WDR76: variants seen among roughly 807,000 people sequenced by gnomAD.
The protein encoded by WDR76 is WD repeat domain 76.
A neutral mutation model predicts 70.2 loss-of-function variants in WDR76; 52 were observed. The observed-to-expected ratio is 0.74, with a 90% CI of 0.59 to 0.93. The LOEUF (loss-of-function observed/expected upper bound fraction) is 0.93, where lower values mean the gene tolerates loss of function less well. Among genes scored for constraint, WDR76 ranks in the 40% least tolerant of loss-of-function variants. WDR76 has a pLI of 0.00. For missense variants in WDR76, 756 were observed against 760.2 expected, an observed-to-expected ratio of 0.99 and a Z score of 0.07; for synonymous variants, 292 against 271.1, an observed-to-expected ratio of 1.08 and a Z score of -0.76.
At chr15:43,839,876 G>T in intron 5 of WDR76, 148 bp downstream of exon 5, 1 of 1,074,552 alleles carries the variant, frequency 9.3e-7, no homozygotes, top group Non-Finnish European at 1.3e-6. Context: ...TTGTTTTTTT[G>T]AGATGGAGTC....
rs563825129 is a variant in WDR76, at chr15:43,861,015, G to T, written c.1563-318G>T. On this transcript the variant is annotated intron_variant, in intron 11 of 12. Transcript: ENST00000263795. Reference sequence around the variant, plus strand: ...AGCTTAGTGTAATCTCAAACTCCTGGGCTCAAGTGATCTTCTCACCTCAGC... The same window carrying T: ...AGCTTAGTGTAATCTCAAACTCCTGTGCTCAAGTGATCTTCTCACCTCAGC... Among the ~76,000 whole-genome samples, 4 of 145,752 alleles carry T rather than the reference G, an allele frequency of 2.7e-5. No homozygotes were observed. In the East Asian group the frequency reaches 8.2e-4, roughly 30 times the overall value.
chr15:43,865,283 T>C (rs891546260), intron 12 of WDR76, among the ~76,000 whole-genome samples: 1 of 147,318 alleles, frequency 6.8e-6, no homozygotes, highest in Admixed American at 6.8e-5. Context: ...TTTATTTTTA[T>C]TTTTTTTGAG....
chr15:43,835,007 G>C (rs1449735558), intron 2 of WDR76, 54 bp from the exon 3 acceptor site: 3 of 1,465,018 alleles, frequency 2.0e-6, no homozygotes, highest in Non-Finnish European at 1.9e-6. Context: ...TTTGTGAAGT[G>C]CTTTTCCTGT....
chr15:43,843,964 C>T lies in WDR76; in HGVS notation c.942C>T (p.Gly314=), dbSNP rs2140303378. The T allele has an allele frequency of 1.2e-6, 2 of 1,613,092 alleles. No homozygotes were observed. Among genetic ancestry groups the T allele is most frequent in the Middle Eastern group, 1.7e-4 (1 of 6,060 alleles). The change falls in exon 8 of 13, where the codon GGC becomes GGT. Residue 314 remains glycine, a synonymous_variant. Transcript: ENST00000263795. ...ATACCGTTTACAAAGTTACCACAGGCCCAATATTCTCTATGGCTCTCCATC... is the reference window on the plus strand; with the variant it reads ...ATACCGTTTACAAAGTTACCACAGGTCCAATATTCTCTATGGCTCTCCATC... The part of the protein sequence containing the change: ...SEDTVYKVTT[G]PIFSMALHPS...
chr15:43,844,926 TAA>T (rs1163275078), intron 8 of WDR76, among the ~76,000 whole-genome samples: 1 of 15,534 alleles, frequency 6.4e-5, no homozygotes, highest in African/African-American at 2.6e-4. Flanking sequence ...AGACTCTGTG[TAA>T]AAAAAAAAAA....
At position 43,835,109 on chromosome 15, in the gene WDR76, T is replaced by C. The variant is rs775537615; in HGVS notation, c.511T>C (p.Ser171Pro). The change falls in exon 3 of 13, where the codon TCA becomes CCA. Residue 171 changes from serine (S) to proline (P), a missense_variant. Physicochemically the swap from Ser to Pro is moderately conservative, Grantham distance 74. Transcript: ENST00000263795. ...PYERKRLKNI[S>P]ENADFFASLQ... ...CGAAAGGAAGAGACTGAAGAACATA[T>C]CAGAAAACGCAGACTTTTTTGCTTC... The C allele has an allele frequency of 6.2e-7, 1 of 1,614,124 alleles. No individual in the cohort carries two copies. The highest frequency in any genetic ancestry group is 2.2e-5 in the East Asian group (1 of 44,882).
rs537253612 is a variant in WDR76 at position 43,838,124 on chromosome 15, C to T, written c.609-1481C>T. ...TCCTGACCTCGTGATCCGCCTGCCT[C>T]GGCCTCCCAAAGTGCTGGGATTACA... On this transcript the variant is annotated intron_variant, in intron 4 of 12. Coordinates refer to ENST00000263795, the MANE Select transcript of WDR76 (RefSeq NM_024908.4). 1.1e-4 allele frequency among the ~76,000 whole-genome samples: 16 copies of T among 152,236 alleles called. No individual in the cohort carries two copies. The East Asian group carries it at 1.4e-3, about 13-fold the overall frequency.
intron 5 of WDR76, among the ~76,000 whole-genome samples, chr15:43,840,659 A>AT (rs1365448835): frequency 1.3e-5 from 2 of 152,102 alleles, no homozygotes; most frequent in Non-Finnish European, 1.5e-5. Context: ...GTAGCTTCAA[A>AT]TTTTTTTGAA....
intron 5 of WDR76, among the ~76,000 whole-genome samples, chr15:43,841,441 G>A (rs557614524): frequency 2.0e-3 from 310 of 151,994 alleles, no homozygotes; most frequent in South Asian, 4.6e-3. Context: ...TGATCTGCCC[G>A]CCTCGGCCTC....
chr15:43,831,282 C>T (rs541795038), intron 2 of WDR76, among the ~76,000 whole-genome samples: 4 of 152,026 alleles, frequency 2.6e-5, no homozygotes, highest in Non-Finnish European at 5.9e-5. Flanking sequence ...CAGGCATGTG[C>T]CACCTTGCCA....
chr15:43,855,848 CAAA>C (rs374594304), intron 9 of WDR76, among the ~76,000 whole-genome samples: 2,709 of 111,026 alleles, frequency 0.024, 81 homozygotes, highest in African/African-American at 0.075. Context: ...GACTCTGTCT[CAAA>C]AAAAAAAAAA....
chr15:43,853,927 A>AAAAAAAAAC (rs1285945105), intron 9 of WDR76, among the ~76,000 whole-genome samples: 1 of 151,720 alleles, frequency 6.6e-6, no homozygotes, highest in East Asian at 1.9e-4. Context: ...AAAAAAAAAC[A>AAAAAAAAAC]AAAAAACCCC....
Position 43,854,747 on chromosome 15 carries a change from G to A in WDR76, c.1192-2199G>A, listed in dbSNP as rs139350734. On this transcript the variant is annotated intron_variant, in intron 9 of 12. Coordinates refer to ENST00000263795, the MANE Select transcript of WDR76 (RefSeq NM_024908.4). Reference sequence around the variant, plus strand: ...GTGGATCACTTGAGGTGAGGAGTTCGAGACCAGCCTGGCCAACATGGTGAA... The same window carrying A: ...GTGGATCACTTGAGGTGAGGAGTTCAAGACCAGCCTGGCCAACATGGTGAA... 9.6e-3 allele frequency among the ~76,000 whole-genome samples: 1,443 copies of A among 150,210 alleles called. 31 individuals are homozygous for A. The highest frequency in any genetic ancestry group is 0.034 in the African/African-American group (1,392 of 40,908).
At chr15:43,830,562 C>CAA (rs1244207750) in intron 2 of WDR76, among the ~76,000 whole-genome samples, 80 of 49,108 alleles carry the variant, frequency 1.6e-3, no homozygotes, top group Middle Eastern at 0.024. Flanking sequence ...AACTCCGTCT[C>CAA]AAAAAAAAAA....
At chr15:43,857,370 G>A in intron 10 of WDR76, 1 of 798,420 alleles carries the variant, frequency 1.3e-6, no homozygotes, top group South Asian at 5.7e-5. Flanking sequence ...TTGATAAATA[G>A]TGAAAAAGCT....
At chr15:43,848,699 G>C (rs1290251718) in intron 8 of WDR76, among the ~76,000 whole-genome samples, 1 of 152,116 alleles carries the variant, frequency 6.6e-6, no homozygotes, top group African/African-American at 2.4e-5. Context: ...CCAACACTTT[G>C]GGAGGCTGAG....
intron 5 of WDR76, among the ~76,000 whole-genome samples, chr15:43,840,874 A>G (rs957240549): frequency 1.3e-5 from 2 of 152,046 alleles, no homozygotes; most frequent in African/African-American, 4.8e-5. Context: ...CCAGCTCCTC[A>G]GGAGGCTGAG....
intron 8 of WDR76, among the ~76,000 whole-genome samples, chr15:43,845,137 A>G (rs1019963239): frequency 5.5e-5 from 8 of 146,726 alleles, no homozygotes; most frequent in Admixed American, 1.4e-4. Flanking sequence ...AATTTTTTCT[A>G]TTTTTAGTAG....
intron 3 of WDR76, among the ~76,000 whole-genome samples, chr15:43,835,850 T>C (rs1053075948): frequency 5.9e-5 from 9 of 152,032 alleles, no homozygotes; most frequent in Non-Finnish European, 1.0e-4. Flanking sequence ...AGGAATGGGG[T>C]TTCACCATGT....
Sources: allele counts gnomAD v4.1 joint callset (sites outside exome capture counted in the v4.1 genomes callset), GRCh38; gene constraint gnomAD v4.1.1; transcripts MANE v1.5; gene names NCBI Gene and HGNC (gene_info 2026-07-23, HGNC 2026-07-21).